Variants in STPG1 observed in about 807,000 individuals in gnomAD.
The protein encoded by STPG1 is O(6)-methylguanine-induced apoptosis 2.
Under a neutral mutation model 40.1 loss-of-function variants are expected in STPG1, and 33 were observed. The ratio of observed to expected loss-of-function variants is 0.82; its 90% confidence interval spans 0.62 to 1.10. The LOEUF (loss-of-function observed/expected upper bound fraction) is 1.10, where lower values mean the gene tolerates loss of function less well. STPG1 is among the 50% of genes least tolerant of loss of function. STPG1 has a pLI of 0.00. For missense variants in STPG1, 396 were observed against 415.1 expected (o/e 0.95, Z 0.40); for synonymous variants, 150 against 155.0 (o/e 0.97, Z 0.24).
intron 3 of STPG1, among the ~76,000 whole-genome samples, chr1:24,385,216 G>A (rs1642454743): frequency 6.6e-6 from 1 of 152,188 alleles, no homozygotes; most frequent in African/African-American, 2.4e-5. Flanking sequence ...TTCATATAAG[G>A]GATAGGGTCA....
At chr1:24,387,163 A>G (rs1642548015) in intron 3 of STPG1, among the ~76,000 whole-genome samples, 1 of 152,222 alleles carries the variant, frequency 6.6e-6, no homozygotes, top group African/African-American at 2.4e-5. Context: ...AATGCAATTT[A>G]GCGGACACTG....
At chr1:24,364,316 C>A in intron 7 of STPG1, 1 of 1,549,770 alleles carries the variant, frequency 6.5e-7, no homozygotes, top group Non-Finnish European at 8.7e-7. Context: ...GACCTGGATT[C>A]AAATCCCAGC....
At chr1:24,376,526 G>A (rs1003261607) in intron 5 of STPG1, among the ~76,000 whole-genome samples, 2 of 152,228 alleles carry the variant, frequency 1.3e-5, no homozygotes, top group Admixed American at 6.5e-5. Context: ...ATCTTGGGAA[G>A]AGGTCCTTTC....
intron 4 of STPG1, among the ~76,000 whole-genome samples, chr1:24,383,208 T>C (rs1642365291): frequency 6.6e-6 from 1 of 152,212 alleles, no homozygotes; most frequent in South Asian, 2.1e-4. Context: ...CCACCGTGCC[T>C]GTCCACTTTT....
At chr1:24,413,190 C>T (rs1232510605) in intron 1 of STPG1, among the ~76,000 whole-genome samples, 1 of 152,214 alleles carries the variant, frequency 6.6e-6, no homozygotes, top group African/African-American at 2.4e-5. Flanking sequence ...AATTTAGCGG[C>T]GGGCTAGTGA....
In STPG1 at chr1:24,399,490, A is replaced by T. The variant is rs185777420; in HGVS notation, c.70+1829T>A. On this transcript the variant is annotated intron_variant, in intron 2 of 8. Transcript: ENST00000337248. This position sits in a 1 kb window ranked among gnomAD's most constrained non-coding sequence, Gnocchi z 4.0. The stretch of plus-strand genomic sequence containing the variant: ...ATCTTGGGATGGGCAAAGATTTCTT[A>T]AGTATTAATAAAATAGACATGTACA... Among the ~76,000 whole-genome samples, 2 of 152,288 alleles carry T rather than the reference A, an allele frequency of 1.3e-5. No individual in the cohort carries two copies. The highest frequency in any genetic ancestry group is 1.3e-4 in the Admixed American group (2 of 15,292).
chr1:24,397,376 G>A (rs781267209), intron 2 of STPG1, among the ~76,000 whole-genome samples: 4 of 152,078 alleles, frequency 2.6e-5, no homozygotes, highest in Admixed American at 2.0e-4. Flanking sequence ...TTCCATACAA[G>A]CTGTCCCAGA....
Position 24,357,893 on chromosome 1 carries a change from C to T in STPG1, c.*650G>A. The T allele has an allele frequency of 3.1e-6, 1 of 321,176 alleles. No homozygotes were observed. Among genetic ancestry groups the T allele is most frequent in the Middle Eastern group, 5.5e-4 (1 of 1,802 alleles). The allele number at this position is 321,176 out of a possible 1,614,324, so 19.9% of individuals were successfully genotyped here. On this transcript the variant is annotated 3_prime_UTR_variant, in exon 9 of 9. Coordinates refer to ENST00000337248, the MANE Select transcript of STPG1 (RefSeq NM_001199013.2). Reference sequence around the variant, plus strand: ...GGAAAAGCGCAGCCCCCGGGCCCGGCCACTGCCATTCCAAGATGATCTCCC... The same window carrying T: ...GGAAAAGCGCAGCCCCCGGGCCCGGTCACTGCCATTCCAAGATGATCTCCC...
chr1:24,403,439 A>C (rs977058751), intron 1 of STPG1, among the ~76,000 whole-genome samples: 2 of 152,128 alleles, frequency 1.3e-5, no homozygotes, highest in Admixed American at 6.6e-5. Context: ...CGACTATATT[A>C]GCTCTTGTAC....
chr1:24,409,146 T>C (rs989948464), intron 1 of STPG1, among the ~76,000 whole-genome samples: 1 of 152,138 alleles, frequency 6.6e-6, no homozygotes, highest in East Asian at 1.9e-4. Context: ...GGTTAGGCGA[T>C]AGCTTGAGCT....
chr1:24,379,154 C>G (rs528272269), intron 5 of STPG1: 1 of 158,508 alleles, frequency 6.3e-6, no homozygotes, highest in South Asian at 1.9e-4. Context: ...GAGAGCTAAA[C>G]CAAACCTTCC....
At chr1:24,362,864 T>C (rs1181093422) in intron 7 of STPG1, among the ~76,000 whole-genome samples, 2 of 152,232 alleles carry the variant, frequency 1.3e-5, no homozygotes, top group Non-Finnish European at 2.9e-5. Flanking sequence ...AGGGGGGACA[T>C]GCTGCCTCCC....
Position 24,375,943 on chromosome 1 carries a change from G to T in STPG1, c.463-2133C>A, listed in dbSNP as rs1173987130. ...ATGGAAAGAAATCTAAGAAGAAAAT[G>T]CATGTGTGCTGTGTACAGAATAATG... On this transcript the variant is annotated intron_variant, in intron 5 of 8. Transcript: ENST00000337248. Among the ~76,000 whole-genome samples the T allele has an allele frequency of 2.0e-5, 3 of 152,234 alleles. No individual in the cohort carries two copies. In the East Asian group the frequency reaches 5.8e-4, roughly 29 times the overall value.
chr1:24,374,171 C>T (rs1157826353), intron 5 of STPG1, among the ~76,000 whole-genome samples: 1 of 150,576 alleles, frequency 6.6e-6, no homozygotes, highest in African/African-American at 2.4e-5. Flanking sequence ...ACGGATTGGA[C>T]AGTCAGCTCC....
At position 24,360,931 on chromosome 1, in the gene STPG1, T is replaced by C. The variant is rs142046508; in HGVS notation, c.848A>G (p.His283Arg). ...CACGAATGATGCACTAGAGATGAAA[T>C]GCTTGCGGGGGCCTAAGTAGTCCAC... is the stretch of plus-strand genomic sequence containing the variant. ...EIVDYLGPRK[H>R]FISSASFVSN... Residue 283 changes from histidine to arginine, a missense_variant, in exon 8 of 9, where the codon CAT becomes CGT. His to Arg is a conservative substitution (Grantham distance 29). Coordinates refer to ENST00000337248, the MANE Select transcript of STPG1 (RefSeq NM_001199013.2). 58 of 1,613,702 alleles carry C rather than the reference T, an allele frequency of 3.6e-5. No homozygotes were observed. The African/African-American group carries it at 6.4e-4, about 18-fold the overall frequency.
intron 2 of STPG1, among the ~76,000 whole-genome samples, chr1:24,397,884 C>A (rs1199262133): frequency 6.6e-6 from 1 of 152,078 alleles, no homozygotes; most frequent in Admixed American, 6.5e-5. Context: ...GGGGGCATTA[C>A]AAATAAAACT....
intron 6 of STPG1, 33 bp from the exon 7 acceptor site, chr1:24,369,872 G>C (rs745890105): frequency 1.2e-5 from 19 of 1,548,678 alleles, no homozygotes; most frequent in Middle Eastern, 1.7e-4. Flanking sequence ...ACAGAATAAG[G>C]AACTCTTCTC....
At position 24,379,823 on chromosome 1, in the gene STPG1, A is replaced by G; in HGVS notation, c.292T>C (p.Cys98Arg). The stretch of plus-strand genomic sequence containing the variant: ...GAAATGATGGTGTCCAATCGGGCGC[A>G]CTGTAAGGAGACAACCAAAGGAATC... ...KKGTCMFPSM[C>R]ARLDTIISKY... Residue 98 changes from cysteine to arginine, a missense_variant and splice_region_variant, in exon 5 of 9, where the codon TGC (cysteine) becomes CGC (arginine). By Grantham distance (180) the Cys-to-Arg change is radical (BLOSUM62 -3). Transcript: ENST00000337248. The G allele has an allele frequency of 6.2e-7, 1 of 1,613,648 alleles. No individual in the cohort carries two copies. Among genetic ancestry groups the G allele is most frequent in the Non-Finnish European group, 8.5e-7 (1 of 1,179,572 alleles).
chr1:24,368,968 G>A, intron 7 of STPG1: 1 of 181,020 alleles, frequency 5.5e-6, no homozygotes, highest in Non-Finnish European at 1.2e-5. Flanking sequence ...GCCTCCCAAA[G>A]TGCTGGGATT....
Sources: gnomAD v4.1 joint callset for allele counts (sites outside exome capture counted in the v4.1 genomes callset) on GRCh38, gnomAD v4.1.1 for gene constraint, Gnocchi (gnomAD v3.1) non-coding constraint, MANE v1.5 for transcripts, NCBI Gene and HGNC (gene_info 2026-07-23, HGNC 2026-07-21) for gene names.